The following SLC22A23 variants were observed in gnomAD, a reference collection of about 807,000 sequenced individuals.
SLC22A23 encodes the protein ion transporter protein.
In SLC22A23, 26 loss-of-function variants were observed where a neutral mutation model predicts 61.0. The ratio of observed to expected loss-of-function variants is 0.43; its 90% CI spans 0.31 to 0.59. The LOEUF is 0.59. SLC22A23 is among the 20% of genes least tolerant of loss of function. The pLI, the probability that SLC22A23 is intolerant of heterozygous loss-of-function variation, is 0.11. For synonymous variants in SLC22A23, 430 were observed against 413.9 expected (o/e 1.04, Z -0.47); for missense variants, 796 against 934.7 (o/e 0.85, Z 1.94).
intron 3 of SLC22A23, among the ~76,000 whole-genome samples, chr6:3,374,468 A>G (rs1322936066): frequency 6.6e-6 from 1 of 152,220 alleles, no homozygotes; most frequent in Non-Finnish European, 1.5e-5. Flanking sequence ...CAGTAACAAC[A>G]TGAGCAAAGT....
At position 3,447,856 on chromosome 6, in the gene SLC22A23, G is replaced by A. The variant is rs1287861562; in HGVS notation, c.654+8050C>T. 4.0e-5 allele frequency among the ~76,000 whole-genome samples: 6 copies of A among 150,226 alleles called. No individual in the cohort carries two copies. In the East Asian group the frequency reaches 1.2e-3, roughly 29 times the overall value. On this transcript the variant is annotated intron_variant, in intron 1 of 9. Transcript: ENST00000406686. The stretch of plus-strand genomic sequence containing the variant: ...ACCCACCTCGGCCTCCCAAAGTGCT[G>A]GGATTACAGGCATGAGCTACCATGC...
intron 3 of SLC22A23, among the ~76,000 whole-genome samples, chr6:3,406,272 C>A (rs1281671108): frequency 1.3e-5 from 2 of 152,196 alleles, no homozygotes; most frequent in Non-Finnish European, 2.9e-5. Context: ...ACTTAAAAAA[C>A]CACCATCTCT....
At chr6:3,369,109 C>T (rs1420551300) in intron 3 of SLC22A23, among the ~76,000 whole-genome samples, 1 of 151,744 alleles carries the variant, frequency 6.6e-6, no homozygotes, top group Non-Finnish European at 1.5e-5. Context: ...AATAATTTAG[C>T]CCAGCTGATA....
At chr6:3,355,949 T>TTTTTTTTTTTTTTTG in intron 3 of SLC22A23, among the ~76,000 whole-genome samples, 4 of 131,262 alleles carry the variant, frequency 3.0e-5, no homozygotes, top group African/African-American at 1.2e-4. Context: ...AGTTTTTTTT[T>TTTTTTTTTTTTTTTG]AAAGGCAAAA....
intron 3 of SLC22A23, among the ~76,000 whole-genome samples, chr6:3,396,825 C>T (rs1768038893): frequency 6.6e-6 from 1 of 152,236 alleles, no homozygotes; most frequent in African/African-American, 2.4e-5. Flanking sequence ...CATCTGCTGA[C>T]AACTACTTCC....
chr6:3,431,440 G>A (rs531961757), intron 1 of SLC22A23, among the ~76,000 whole-genome samples: 11 of 152,356 alleles, frequency 7.2e-5, no homozygotes, highest in African/African-American at 2.6e-4. Flanking sequence ...GGCTGTTAAA[G>A]GTTCAGCCTT....
intron 3 of SLC22A23, among the ~76,000 whole-genome samples, chr6:3,366,354 A>AAAAAAAAAAG (rs1765830673): frequency 2.5e-5 from 2 of 78,488 alleles, no homozygotes; most frequent in Admixed American, 1.3e-4. Context: ...AAAAAAAAAA[A>AAAAAAAAAAG]AAAGAAAGAA....
chr6:3,450,035 C>T (rs189462560), intron 1 of SLC22A23, among the ~76,000 whole-genome samples: 246 of 152,258 alleles, frequency 1.6e-3, no homozygotes, highest in Non-Finnish European at 2.4e-3. Context: ...GTTTCGGATA[C>T]GCTAGTGTTT....
chr6:3,411,505 T>C (rs549143861), intron 2 of SLC22A23, among the ~76,000 whole-genome samples: 156 of 152,312 alleles, frequency 1.0e-3, no homozygotes, highest in Non-Finnish European at 1.8e-3. Context: ...TTTGAGGGGA[T>C]GGGAATGTTT....
At chr6:3,298,035 T>C in intron 5 of SLC22A23, 56 bp downstream of exon 5, 2 of 1,441,326 alleles carry the variant, frequency 1.4e-6, no homozygotes, top group African/African-American at 3.0e-5. Flanking sequence ...AGCCCAGGTG[T>C]CAGGGACCTG....
chr6:3,320,254 A>G (rs895346376), intron 4 of SLC22A23, among the ~76,000 whole-genome samples: 2 of 152,066 alleles, frequency 1.3e-5, no homozygotes, highest in South Asian at 4.2e-4. Flanking sequence ...AAAATGCTGT[A>G]TTTTAACCAG....
At chr6:3,291,724 C>G (rs897933830) in intron 5 of SLC22A23, 1 of 152,194 alleles carries the variant, frequency 6.6e-6, no homozygotes, top group Non-Finnish European at 1.5e-5. Flanking sequence ...AACCTTGGAT[C>G]CAATGATCTG....
chr6:3,346,340 C>T (rs1410218544), intron 3 of SLC22A23, among the ~76,000 whole-genome samples: 1 of 152,184 alleles, frequency 6.6e-6, no homozygotes, highest in Non-Finnish European at 1.5e-5. Flanking sequence ...GCCAGCCCTT[C>T]CATCCACTTC....
chr6:3,445,815 CA>C (rs35356445), intron 1 of SLC22A23, among the ~76,000 whole-genome samples: 1 of 152,038 alleles, frequency 6.6e-6, no homozygotes, highest in Non-Finnish European at 1.5e-5. Context: ...CCCCCTACAA[CA>C]AGGAGGGGTG....
chr6:3,293,390 C>T (rs1243105888), intron 5 of SLC22A23, among the ~76,000 whole-genome samples: 1 of 152,236 alleles, frequency 6.6e-6, no homozygotes, highest in Non-Finnish European at 1.5e-5. Context: ...GCACCTGCTG[C>T]CTCTTCCCCA....
chr6:3,370,697 C>G (rs562324571), intron 3 of SLC22A23, among the ~76,000 whole-genome samples: 1 of 152,356 alleles, frequency 6.6e-6, no homozygotes, highest in South Asian at 2.1e-4. Flanking sequence ...ACACCTGCTT[C>G]CCTTGCAAAC....
intron 4 of SLC22A23, among the ~76,000 whole-genome samples, chr6:3,321,022 G>A (rs1199150222): frequency 1.3e-5 from 2 of 152,090 alleles, no homozygotes; most frequent in African/African-American, 4.8e-5. Flanking sequence ...CCCCATTATT[G>A]ACCACAATGA....
At chr6:3,284,909 T>C in intron 8 of SLC22A23, 170 bp downstream of exon 8, 4 of 1,538,370 alleles carry the variant, frequency 2.6e-6, no homozygotes, top group Non-Finnish European at 3.5e-6. Context: ...AGAGGGAGAA[T>C]ACAAATGTAT....
chr6:3,272,962 C>G lies in SLC22A23; in HGVS notation c.*93G>C. ...GAGAGGCTCAGCTTGGCTGAGGCAGCTTTCCCACCCCTGGCTGCGTGTTCG... is the reference window on the plus strand; with the variant it reads ...GAGAGGCTCAGCTTGGCTGAGGCAGGTTTCCCACCCCTGGCTGCGTGTTCG... On this transcript the variant is annotated 3_prime_UTR_variant, in exon 10 of 10. Transcript: ENST00000406686. 1 of 1,220,402 alleles carries G rather than the reference C, an allele frequency of 8.2e-7. No homozygotes were observed. The highest frequency in any genetic ancestry group is 1.1e-6 in the Non-Finnish European group (1 of 886,996). The allele number at this position is 1,220,402 out of a possible 1,614,324, so 75.6% of individuals were successfully genotyped here. A position where few individuals can be genotyped will look rare whatever the true frequency, so the allele number is the denominator to read the frequency against.
Sources: allele counts gnomAD v4.1 joint callset (sites outside exome capture counted in the v4.1 genomes callset), GRCh38; gene constraint gnomAD v4.1.1; transcripts MANE v1.5; gene names NCBI Gene and HGNC (gene_info 2026-07-23, HGNC 2026-07-21).